Variants in MILR1 observed in about 807,000 individuals in gnomAD.
MILR1 encodes allergin-1.
A neutral mutation model predicts 18.5 loss-of-function variants in MILR1; 31 were observed. That is an observed-to-expected ratio of 1.68 (90% CI 1.26 to 2.26). The LOEUF (loss-of-function observed/expected upper bound fraction) is 2.26, where lower values mean the gene tolerates loss of function less well. Ranked by LOEUF, MILR1 falls within the 30% of genes most tolerant of loss-of-function variation. The pLI, the probability that MILR1 is intolerant of heterozygous loss-of-function variation, is 0.00. For synonymous variants in MILR1, 85 were observed against 56.2 expected, an observed-to-expected ratio of 1.51 and a Z score of -2.30; for missense variants, 257 against 157.4, an observed-to-expected ratio of 1.63 and a Z score of -3.38.
chr17:64,474,455 G>C, the MILR1 span, among the ~76,000 whole-genome samples: 4 of 152,038 alleles, frequency 2.6e-5, no homozygotes, highest in African/African-American at 9.7e-5. Flanking sequence ...GCTCCCTGCG[G>C]CTTTGACTCC....
chr17:64,475,062 G>A, the MILR1 span, among the ~76,000 whole-genome samples: 7 of 151,796 alleles, frequency 4.6e-5, no homozygotes, highest in Admixed American at 2.0e-4. Context: ...GGTAGCAGGC[G>A]CCTGTAATCC....
chr17:64,471,333 T>C (rs1226093575), downstream of MILR1, among the ~76,000 whole-genome samples: 1 of 152,048 alleles, frequency 6.6e-6, no homozygotes, highest in African/African-American at 2.4e-5. Flanking sequence ...ACTTGAGGAT[T>C]GATAGTGAGA....
the MILR1 span, among the ~76,000 whole-genome samples, chr17:64,495,569 C>T: frequency 6.6e-6 from 1 of 151,988 alleles, no homozygotes; most frequent in Non-Finnish European, 1.5e-5. Flanking sequence ...AGAGTGAGAC[C>T]CATATTCAAT....
At chr17:64,461,626 A>G (rs2037434806) in intron 5 of MILR1, among the ~76,000 whole-genome samples, 2 of 152,138 alleles carry the variant, frequency 1.3e-5, no homozygotes, top group Admixed American at 1.3e-4. Context: ...ATAACACTAA[A>G]TGGGCCACTT....
chr17:64,488,317 G>T, the MILR1 span, among the ~76,000 whole-genome samples: 1 of 152,126 alleles, frequency 6.6e-6, no homozygotes, highest in African/African-American at 2.4e-5. Context: ...AAATAATTTT[G>T]TGAACTCTGG....
At chr17:64,456,192 A>G (rs937463380) in intron 3 of MILR1, among the ~76,000 whole-genome samples, 51 of 152,172 alleles carry the variant, frequency 3.4e-4, no homozygotes, top group Admixed American at 1.2e-3. Flanking sequence ...AATGGGCATG[A>G]TACTATCCAC....
the MILR1 span, chr17:64,496,787 C>T: frequency 6.2e-7 from 1 of 1,613,904 alleles, no homozygotes. Context: ...CTCTCCAGAC[C>T]CGGGGGCTTC....
the MILR1 span, chr17:64,483,845 G>T: frequency 6.6e-6 from 1 of 152,148 alleles, no homozygotes; most frequent in Non-Finnish European, 1.5e-5. Flanking sequence ...TAAGTAGCAG[G>T]GACTACAGGT....
At chr17:64,479,563 C>T in the MILR1 span, among the ~76,000 whole-genome samples, 2 of 151,952 alleles carry the variant, frequency 1.3e-5, no homozygotes, top group Non-Finnish European at 2.9e-5. Context: ...CCAAAAGATA[C>T]ATATTCAACA....
intron 3 of MILR1, among the ~76,000 whole-genome samples, chr17:64,456,150 A>G (rs1265057694): frequency 1.3e-5 from 2 of 152,106 alleles, no homozygotes; most frequent in African/African-American, 2.4e-5. Context: ...AAATTTCTCA[A>G]TCTCTCTGAA....
At chr17:64,472,156 A>T (rs1057232156), downstream of MILR1, among the ~76,000 whole-genome samples, 2 of 152,130 alleles carry the variant, frequency 1.3e-5, no homozygotes, top group Non-Finnish European at 2.9e-5. Context: ...ACATTTAAAA[A>T]TTACATTTAG....
Position 64,466,485 on chromosome 17 carries a change from C to G in MILR1, c.897C>G (p.Ser299=), listed in dbSNP as rs538225876. Residue 299 remains serine (S), a synonymous_variant, in exon 7 of 10, where the codon TCC becomes TCG. Coordinates refer to ENST00000619286, the MANE Select transcript of MILR1 (RefSeq NM_001085423.2). ...VPEVGSRPCV[S]TAQDEAKHSQ... ...AAGTGGGATCCAGGCCGTGTGTTTC[C>G]ACAGCCCAAGATGGTGAGCATGTTC... The G allele has an allele frequency of 6.2e-7, 1 of 1,613,804 alleles. No homozygotes were observed. Among genetic ancestry groups the G allele is most frequent in the Admixed American group, 1.7e-5 (1 of 59,974 alleles).
intron 4 of MILR1, among the ~76,000 whole-genome samples, chr17:64,458,361 C>T (rs957306263): frequency 2.0e-5 from 3 of 151,970 alleles, no homozygotes; most frequent in South Asian, 2.1e-4. Flanking sequence ...TACAGGCACC[C>T]GCCACCACGC....
chr17:64,462,694 G>T (rs1184622782), intron 5 of MILR1, among the ~76,000 whole-genome samples: 2 of 150,608 alleles, frequency 1.3e-5, no homozygotes, highest in Non-Finnish European at 2.9e-5. Flanking sequence ...AGGCTGGAGT[G>T]CAGTGGTGCA....
chr17:64,457,892 G>A (rs2037335996), intron 4 of MILR1, among the ~76,000 whole-genome samples: 1 of 152,132 alleles, frequency 6.6e-6, no homozygotes, highest in Non-Finnish European at 1.5e-5. Context: ...GGTTGTGGCT[G>A]GCAGATCACT....
chr17:64,473,317 C>T (rs545614758), downstream of MILR1, among the ~76,000 whole-genome samples: 3 of 150,266 alleles, frequency 2.0e-5, no homozygotes, highest in East Asian at 5.8e-4. Context: ...CGCCACTGCA[C>T]TCCAGCCTGG....
downstream of MILR1, among the ~76,000 whole-genome samples, chr17:64,471,449 C>T (rs1243986385): frequency 6.6e-6 from 1 of 152,286 alleles, no homozygotes; most frequent in East Asian, 1.9e-4. Context: ...GCAGGCTTAC[C>T]TCAGTGTCTC....
At chr17:64,487,749 C>T in the MILR1 span, among the ~76,000 whole-genome samples, 4 of 152,154 alleles carry the variant, frequency 2.6e-5, no homozygotes, top group Non-Finnish European at 5.9e-5. Context: ...CTCCTGTAAT[C>T]CTAGCACTTT....
At chr17:64,488,903 A>T in the MILR1 span, among the ~76,000 whole-genome samples, 1 of 152,070 alleles carries the variant, frequency 6.6e-6, no homozygotes, top group Admixed American at 6.6e-5. Flanking sequence ...GGGAATCGCG[A>T]CACTGCACTC....
Sources: gnomAD v4.1 joint callset for allele counts (sites outside exome capture counted in the v4.1 genomes callset) on GRCh38, gnomAD v4.1.1 for gene constraint, MANE v1.5 for transcripts, NCBI Gene and HGNC (gene_info 2026-07-23, HGNC 2026-07-21) for gene names.